WDR93: variants seen among roughly 807,000 people sequenced by gnomAD.
WDR93 encodes WD repeat-containing protein 93.
In WDR93, 73 loss-of-function variants were observed where a neutral mutation model predicts 82.9. That is an observed-to-expected ratio of 0.88 (90% CI 0.73 to 1.07). WDR93 has a LOEUF of 1.07. WDR93 is among the 50% of genes least tolerant of loss of function. The probability of loss-of-function intolerance (pLI) is 0.00; values close to 1 mark genes in which losing one functional copy is unlikely to be tolerated. For missense variants in WDR93, 738 were observed against 826.0 expected (o/e 0.89, Z 1.31); for synonymous variants, 283 against 300.1 (o/e 0.94, Z 0.59).
intron 3 of WDR93, chr15:89,704,117 G>A (rs1052191842): frequency 2.0e-5 from 3 of 150,068 alleles, no homozygotes; most frequent in Non-Finnish European, 4.4e-5. Context: ...TTGAGGTCAG[G>A]AGTTTGACAC....
chr15:89,693,817 A>T (rs929308705), intron 1 of WDR93, among the ~76,000 whole-genome samples: 1 of 152,222 alleles, frequency 6.6e-6, no homozygotes, highest in Non-Finnish European at 1.5e-5. Context: ...ACCTAAGGGC[A>T]ATATTTACAG....
In WDR93 at chr15:89,721,999, T is replaced by C. The variant is rs1966547582; in HGVS notation, c.796-56T>C. 3.4e-6 allele frequency: 4 copies of C among 1,180,390 alleles called. No individual in the cohort carries two copies. The South Asian group carries it at 5.6e-5, about 17-fold the overall frequency. 73.1% of individuals were successfully genotyped at this position (1,180,390 alleles called of 1,614,324 possible). A position where few individuals can be genotyped will look rare whatever the true frequency, so the allele number is the denominator to read the frequency against. Reference sequence around the variant, plus strand: ...CTTCTTTTAAAATTAGTATTTTTAATTATTCTATTTCCTCTCTTCTCTTGG... The same window carrying C: ...CTTCTTTTAAAATTAGTATTTTTAACTATTCTATTTCCTCTCTTCTCTTGG... On this transcript the variant is annotated intron_variant, in intron 7 of 16. Coordinates refer to ENST00000268130, the MANE Select transcript of WDR93 (RefSeq NM_020212.2).
At chr15:89,727,661 G>A (rs1966790987) in intron 9 of WDR93, among the ~76,000 whole-genome samples, 1 of 152,178 alleles carries the variant, frequency 6.6e-6, no homozygotes, top group Non-Finnish European at 1.5e-5. Context: ...TTAGAACAAA[G>A]GCTGATAATA....
At position 89,705,622 on chromosome 15, in the gene WDR93, A is replaced by T. The variant is rs767427948; in HGVS notation, c.561+4A>T. On this transcript the variant is annotated splice_donor_region_variant and intron_variant, in intron 4 of 16. Coordinates refer to ENST00000268130, the MANE Select transcript of WDR93 (RefSeq NM_020212.2). ...AGTCAAAGCCATCAATGAAGTGGTG[A>T]GTTCCTATTCTTTCACCATTAGCTG... 4 of 1,553,348 alleles carry T rather than the reference A, an allele frequency of 2.6e-6. No individual in the cohort carries two copies. In the Admixed American group the frequency reaches 5.0e-5, roughly 19 times the overall value.
intron 4 of WDR93, 92 bp from the exon 5 acceptor site, chr15:89,711,934 C>G (rs989115096): frequency 1.1e-6 from 1 of 878,894 alleles, no homozygotes; most frequent in Non-Finnish European, 1.7e-6. Context: ...TTAAAAGGAT[C>G]TCTGTTCCTG....
chr15:89,732,948 C>A, intron 12 of WDR93, 58 bp from the exon 13 acceptor site: 1 of 1,517,544 alleles, frequency 6.6e-7, no homozygotes, highest in South Asian at 1.1e-5. Flanking sequence ...AGCCCCTGTG[C>A]CCATGGCCTC....
At chr15:89,690,919 T>G in intron 1 of WDR93, 62 bp downstream of exon 1, 1 of 398,818 alleles carries the variant, frequency 2.5e-6, no homozygotes, top group East Asian at 5.1e-5. Context: ...GGACTCCCCT[T>G]TACCTGTAGA....
At chr15:89,692,038 C>G (rs1255010031) in intron 1 of WDR93, among the ~76,000 whole-genome samples, 1 of 152,196 alleles carries the variant, frequency 6.6e-6, no homozygotes, top group Non-Finnish European at 1.5e-5. Context: ...TCTTTTCCCA[C>G]TTCCCTTTCT....
chr15:89,690,433 C>T, upstream of WDR93: 1 of 622,574 alleles, frequency 1.6e-6, no homozygotes, highest in South Asian at 1.9e-5. Context: ...GGCTCGGATA[C>T]TAAACTCCCT....
rs149388339 is a variant in WDR93, at chr15:89,713,869, G to A, written c.641-1111G>A. On this transcript the variant is annotated intron_variant, in intron 5 of 16. Coordinates refer to ENST00000268130, the MANE Select transcript of WDR93 (RefSeq NM_020212.2). ...CTGTCATAACAAAGTACCACAAACT[G>A]GGCAGCTTAAAACAATAGATATTTA... Among the ~76,000 whole-genome samples the A allele has an allele frequency of 9.5e-4, 144 of 152,250 alleles. 1 individual carries two copies. Among genetic ancestry groups the A allele is most frequent in the African/African-American group, 3.3e-3 (135 of 41,534 alleles).
intron 5 of WDR93, 68 bp downstream of exon 5, chr15:89,712,172 T>C: frequency 7.8e-7 from 1 of 1,282,694 alleles, no homozygotes; most frequent in Non-Finnish European, 1.1e-6. Context: ...ATGATTGCTT[T>C]TGTCCCTCCA....
intron 6 of WDR93, among the ~76,000 whole-genome samples, chr15:89,715,483 C>G (rs1333053799): frequency 6.6e-6 from 1 of 152,054 alleles, no homozygotes; most frequent in African/African-American, 2.4e-5. Context: ...AGAGGTTGTT[C>G]TCAATATACA....
At chr15:89,714,689 C>G (rs187985811) in intron 5 of WDR93, among the ~76,000 whole-genome samples, 56 of 152,216 alleles carry the variant, frequency 3.7e-4, no homozygotes, top group African/African-American at 1.3e-3. Flanking sequence ...CTGGGCAGAA[C>G]AATTTGGTTA....
chr15:89,726,210 C>G (rs1252066181), intron 8 of WDR93, among the ~76,000 whole-genome samples: 1 of 152,180 alleles, frequency 6.6e-6, no homozygotes, highest in East Asian at 1.9e-4. Context: ...ATTGCTTGAA[C>G]CAAGGAGTTC....
intron 1 of WDR93, 67 bp from the exon 2 acceptor site, chr15:89,701,640 A>C (rs959562220): frequency 5.9e-6 from 8 of 1,350,380 alleles, no homozygotes; most frequent in Non-Finnish European, 8.1e-6. Flanking sequence ...GTGCTAGAAA[A>C]GGATGATGTG....
At chr15:89,714,826 G>A (rs1404177736) in intron 5 of WDR93, among the ~76,000 whole-genome samples, 154 bp from the exon 6 acceptor site, 1 of 152,194 alleles carries the variant, frequency 6.6e-6, no homozygotes, top group Non-Finnish European at 1.5e-5. Context: ...AATAACCATT[G>A]CAGAACTACT....
At chr15:89,716,825 G>A in intron 6 of WDR93, 86 bp from the exon 7 acceptor site, 1 of 934,806 alleles carries the variant, frequency 1.1e-6, no homozygotes, top group African/African-American at 1.7e-5. Flanking sequence ...GTAATTGAGG[G>A]GAAGAGAGAG....
intron 8 of WDR93, among the ~76,000 whole-genome samples, chr15:89,723,520 G>A (rs989579364): frequency 2.6e-5 from 4 of 152,164 alleles, no homozygotes; most frequent in African/African-American, 9.7e-5. Context: ...GAATGTGGTG[G>A]TCAGACTTGC....
chr15:89,703,082 A>G lies in WDR93; in HGVS notation c.436A>G (p.Thr146Ala), dbSNP rs2141600722. 1 of 1,614,182 alleles carries G rather than the reference A, an allele frequency of 6.2e-7. No homozygotes were observed. The highest frequency in any genetic ancestry group is 8.5e-7 in the Non-Finnish European group (1 of 1,180,026). The change falls in exon 3 of 17, where the codon ACT (threonine) becomes GCT (alanine). Residue 146 changes from threonine (T) to alanine (A), a missense_variant. Coordinates refer to ENST00000268130, the MANE Select transcript of WDR93 (RefSeq NM_020212.2). ...YAWEKLKVDV[T>A]SIWATDLGNE... ...GTGGGAGAAGCTTAAGGTTGATGTC[A>G]CTTCCATCTGGGCCACAGATTTAGG...
Sources: allele counts gnomAD v4.1 joint callset (sites outside exome capture counted in the v4.1 genomes callset), GRCh38; gene constraint gnomAD v4.1.1; transcripts MANE v1.5; gene names NCBI Gene and HGNC (gene_info 2026-07-23, HGNC 2026-07-21).